Variants in TBXAS1 observed in about 807,000 individuals in gnomAD.
The protein encoded by TBXAS1 is thromboxane-A synthase.
A neutral mutation model predicts 60.7 loss-of-function variants in TBXAS1; 48 were observed. That is an observed-to-expected ratio of 0.79 (90% CI 0.63 to 1.01). TBXAS1 has a LOEUF of 1.01. TBXAS1 is among the 50% of genes least tolerant of loss of function. TBXAS1 has a pLI of 0.00. For synonymous variants in TBXAS1, 287 were observed against 269.7 expected, an observed-to-expected ratio of 1.06 and a Z score of -0.63; for missense variants, 685 against 686.3, an observed-to-expected ratio of 1.00 and a Z score of 0.02.
chr7:139,991,003 T>C (rs1156741905), intron 9 of TBXAS1, among the ~76,000 whole-genome samples: 1 of 152,090 alleles, frequency 6.6e-6, no homozygotes. Context: ...AAATGATTCC[T>C]TAAGATCCAT....
intron 7 of TBXAS1, among the ~76,000 whole-genome samples, chr7:139,957,341 G>A (rs963305150): frequency 6.6e-6 from 1 of 152,202 alleles, no homozygotes; most frequent in African/African-American, 2.4e-5. Flanking sequence ...CCCAGGACCT[G>A]AAACATTAAT....
At chr7:139,927,708 A>T (rs1005445255) in intron 4 of TBXAS1, among the ~76,000 whole-genome samples, 1 of 152,188 alleles carries the variant, frequency 6.6e-6, no homozygotes, top group Admixed American at 6.5e-5. Flanking sequence ...TTGTAGTTCC[A>T]GACTACAGGT....
chr7:139,960,889 C>A (rs977048812), intron 8 of TBXAS1, among the ~76,000 whole-genome samples: 8 of 152,198 alleles, frequency 5.3e-5, no homozygotes, highest in African/African-American at 1.9e-4. Context: ...TTCTGATACT[C>A]TCCTTTTGCC....
Position 139,822,836 on chromosome 7 carries a change from C to T in TBXAS1, c.-79-6476C>T, listed in dbSNP as rs563318874. 9.2e-5 allele frequency among the ~76,000 whole-genome samples: 14 copies of T among 152,258 alleles called. No individual in the cohort carries two copies. The East Asian group carries it at 1.6e-3, about 17-fold the overall frequency. ...GCTGTCATCCCCCACCTAGCTGACC[C>T]GCAGCCTCCTGGCTGGTCCTCATGT... On this transcript the variant is annotated intron_variant, in intron 4 of 16. Transcript: ENST00000336425.
intron 3 of TBXAS1, among the ~76,000 whole-genome samples, chr7:139,897,992 A>T (rs544828239): frequency 2.0e-5 from 3 of 152,310 alleles, no homozygotes; most frequent in African/African-American, 7.2e-5. Flanking sequence ...CCATGAGCCA[A>T]GCAGGGACAG....
chr7:139,983,060 T>C (rs1485180960), intron 9 of TBXAS1, among the ~76,000 whole-genome samples: 1 of 152,272 alleles, frequency 6.6e-6, no homozygotes, highest in Non-Finnish European at 1.5e-5. Context: ...TATTTCCTTA[T>C]ACTTCATATT....
At chr7:140,002,950 C>T (rs1419821995) in intron 9 of TBXAS1, among the ~76,000 whole-genome samples, 2 of 151,876 alleles carry the variant, frequency 1.3e-5, no homozygotes, top group Non-Finnish European at 2.9e-5. Flanking sequence ...ACGGTGAAAC[C>T]TCATCTCTAC....
intron 9 of TBXAS1, among the ~76,000 whole-genome samples, chr7:139,982,749 A>G (rs113388757): frequency 6.6e-5 from 10 of 152,296 alleles, no homozygotes; most frequent in African/African-American, 1.4e-4. Flanking sequence ...CACAGCCCAC[A>G]TGTTGAAAAA....
intron 4 of TBXAS1, among the ~76,000 whole-genome samples, chr7:139,931,932 T>C (rs965408001): frequency 2.0e-5 from 3 of 152,108 alleles, no homozygotes; most frequent in Admixed American, 1.3e-4. Context: ...AGTTTCACTT[T>C]TGTAAGATGC....
rs748027473 is a variant in TBXAS1, at chr7:139,962,211, T to C, written c.1112T>C (p.Val371Ala). Reference protein sequence around the residue: ...PDCQEKLLREVDVFKEKHMAP... With the variant: ...PDCQEKLLREADVFKEKHMAP... Reference sequence around the variant, plus strand: ...TGCCAAGAGAAGCTTCTGAGAGAGGTAGACGTTTTTAAGGAGAAACACGTG... The same window carrying C: ...TGCCAAGAGAAGCTTCTGAGAGAGGCAGACGTTTTTAAGGAGAAACACGTG... The change falls in exon 9 of 13, where the codon GTA becomes GCA. Residue 371 changes from valine (V) to alanine (A), a missense_variant. Coordinates refer to ENST00000448866, the MANE Select transcript of TBXAS1 (RefSeq NM_001061.7). 1.4e-5 allele frequency: 22 copies of C among 1,614,060 alleles called. No homozygotes were observed. The highest frequency in any genetic ancestry group is 1.0e-4 in the Admixed American group (6 of 60,010).
At chr7:139,881,454 T>TCC (rs1413700091) in intron 3 of TBXAS1, among the ~76,000 whole-genome samples, 8 of 146,600 alleles carry the variant, frequency 5.5e-5, no homozygotes, top group East Asian at 1.9e-4. Context: ...CACACCCTTT[T>TCC]TCCCCCCCTC....
At position 139,900,776 on chromosome 7, in the gene TBXAS1, T is replaced by C. The variant is rs553830767; in HGVS notation, c.237-10449T>C. Among the ~76,000 whole-genome samples the C allele has an allele frequency of 2.4e-4, 37 of 152,306 alleles. No individual in the cohort carries two copies. In the East Asian group the frequency reaches 6.9e-3, roughly 29 times the overall value. ...CCATGTGGTACAAAAATGGCTGCCA[T>C]CAGCCCTAGATTAATATATTCTCAG... On this transcript the variant is annotated intron_variant, in intron 3 of 12. Transcript: ENST00000448866.
Position 139,985,475 on chromosome 7 carries a change from T to C in TBXAS1, c.1135-21616T>C, listed in dbSNP as rs558706918. Among the ~76,000 whole-genome samples, 5 of 152,340 alleles carry C rather than the reference T, an allele frequency of 3.3e-5. No homozygotes were observed. In the South Asian group the frequency reaches 8.3e-4, roughly 25 times the overall value. ...TCGTTAGTGCATCATTAATAACCCA[T>C]TATCGGGTTGTCATCTCTGAATTTA... On this transcript the variant is annotated intron_variant, in intron 9 of 12. Coordinates refer to ENST00000448866, the MANE Select transcript of TBXAS1 (RefSeq NM_001061.7).
chr7:139,849,704 C>T (rs1800079312), intron 1 of TBXAS1, among the ~76,000 whole-genome samples: 1 of 152,122 alleles, frequency 6.6e-6, no homozygotes, highest in African/African-American at 2.4e-5. Context: ...GGGGCGGGGC[C>T]CTAAGATTTC....
intron 4 of TBXAS1, among the ~76,000 whole-genome samples, chr7:139,821,659 C>T (rs1462139796): frequency 2.0e-5 from 3 of 152,256 alleles, no homozygotes; most frequent in East Asian, 3.8e-4. Context: ...GATGTTTCCT[C>T]TTCCCCGTGG....
chr7:139,876,375 A>G (rs1318148249), intron 3 of TBXAS1, among the ~76,000 whole-genome samples: 3 of 152,166 alleles, frequency 2.0e-5, no homozygotes, highest in Non-Finnish European at 4.4e-5. Context: ...TTGATTCTCA[A>G]CATGTGTCTT....
At chr7:139,808,952 A>G (rs1249499223) in intron 4 of TBXAS1, among the ~76,000 whole-genome samples, 1 of 149,520 alleles carries the variant, frequency 6.7e-6, no homozygotes, top group East Asian at 2.0e-4. Context: ...TCTTGGCTGC[A>G]TGATGAAACA....
intron 4 of TBXAS1, among the ~76,000 whole-genome samples, chr7:139,933,928 C>T (rs954251787): frequency 2.0e-5 from 3 of 152,136 alleles, no homozygotes; most frequent in Admixed American, 2.0e-4. Context: ...AGTGGGACAG[C>T]TGGTTTTAGA....
At chr7:139,959,037 A>G (rs974136177) in intron 8 of TBXAS1, among the ~76,000 whole-genome samples, 1 of 151,508 alleles carries the variant, frequency 6.6e-6, no homozygotes, top group Non-Finnish European at 1.5e-5. Context: ...ACACACACAC[A>G]CGCATCCCTA....
Sources: allele counts gnomAD v4.1 joint callset (sites outside exome capture counted in the v4.1 genomes callset), GRCh38; gene constraint gnomAD v4.1.1; transcripts MANE v1.5; gene names NCBI Gene and HGNC (gene_info 2026-07-23, HGNC 2026-07-21).